CGNL1: variants seen among roughly 807,000 people sequenced by gnomAD.
CGNL1 encodes cingulin-like protein 1.
In CGNL1, 132 loss-of-function variants were observed where a neutral mutation model predicts 141.2. The ratio of observed to expected loss-of-function variants is 0.93; its 90% CI spans 0.81 to 1.08. CGNL1 has a LOEUF of 1.08. CGNL1 is among the 50% of genes least tolerant of loss of function. CGNL1 has a pLI of 0.00. For missense variants in CGNL1, 1,870 were observed against 1,588.6 expected (o/e 1.18, Z -3.01); for synonymous variants, 690 against 622.1 (o/e 1.11, Z -1.63).
chr15:57,469,989 T>G (rs1027342307), intron 8 of CGNL1, among the ~76,000 whole-genome samples: 5 of 152,318 alleles, frequency 3.3e-5, no homozygotes, highest in Admixed American at 3.3e-4. Flanking sequence ...ATCTCATTTC[T>G]GTCTTCTCCA....
At chr15:57,519,140 C>T (rs2031065449) in intron 10 of CGNL1, among the ~76,000 whole-genome samples, 1 of 152,166 alleles carries the variant, frequency 6.6e-6, no homozygotes, top group African/African-American at 2.4e-5. Context: ...CAAGAAAGGC[C>T]TGTACTGCCG....
chr15:57,506,603 C>T (rs2064106659), intron 8 of CGNL1, among the ~76,000 whole-genome samples: 1 of 152,160 alleles, frequency 6.6e-6, no homozygotes, highest in Admixed American at 6.5e-5. Flanking sequence ...TTTTCCCTTC[C>T]CTGGCTGGCT....
Position 57,501,470 on chromosome 15 carries a change from G to T in CGNL1, c.2404-15310G>T, listed in dbSNP as rs550591399. ...AGGCAGAGAGCCCTGTCCTCAGGGG[G>T]TGCAACCAGCAACTTACCTGCGGCA... On this transcript the variant is annotated intron_variant, in intron 8 of 18. Transcript: ENST00000281282. Among the ~76,000 whole-genome samples the T allele has an allele frequency of 9.2e-5, 14 of 152,344 alleles. No individual in the cohort carries two copies. The Middle Eastern group carries it at 0.017, about 185-fold the overall frequency.
intron 1 of CGNL1, among the ~76,000 whole-genome samples, chr15:57,420,998 G>A (rs2062908005): frequency 6.6e-6 from 1 of 152,200 alleles, no homozygotes; most frequent in African/African-American, 2.4e-5. Flanking sequence ...AACTCCCAAG[G>A]TTACGGTATT....
At position 57,442,449 on chromosome 15, in the gene CGNL1, G is replaced by A. The variant is rs373744980; in HGVS notation, c.1774G>A (p.Ala592Thr). The A allele has an allele frequency of 1.2e-6, 2 of 1,612,832 alleles. No homozygotes were observed. Among genetic ancestry groups the A allele is most frequent in the African/African-American group, 2.7e-5 (2 of 74,904 alleles). The change falls in exon 4 of 19, where the codon GCA (alanine) becomes ACA (threonine). Residue 592 changes from alanine (A) to threonine (T), a missense_variant. Physicochemically the swap from Ala to Thr is moderately conservative, Grantham distance 58. Coordinates refer to ENST00000281282, the MANE Select transcript of CGNL1 (RefSeq NM_032866.5). Reference protein sequence around the residue: ...FEKIQTLKSRAAGSAQGNNQA... With the variant: ...FEKIQTLKSRTAGSAQGNNQA... ...GAAAATCCAGACCTTAAAGTCTCGA[G>A]CAGCTGGGAGCGCCCAAGGAAATAA...
chr15:57,438,655 G>C lies in CGNL1; in HGVS notation c.656G>C (p.Cys219Ser), dbSNP rs763130171. Residue 219 changes from cysteine (C) to serine (S), a missense_variant, in exon 2 of 19, where the codon TGC (cysteine) becomes TCC (serine). By Grantham distance (112) the Cys-to-Ser change is moderately radical. Coordinates refer to ENST00000281282, the MANE Select transcript of CGNL1 (RefSeq NM_032866.5). ...AKSGVTAIRL[C>S]SSVVIEDPKK... ...TCTGGTGTGACAGCTATTCGTTTATGCAGCTCCGTGGTCATAGAGGACCCC... is the reference window on the plus strand; with the variant it reads ...TCTGGTGTGACAGCTATTCGTTTATCCAGCTCCGTGGTCATAGAGGACCCC... 15 of 1,614,078 alleles carry C rather than the reference G, an allele frequency of 9.3e-6. No individual in the cohort carries two copies. The highest frequency in any genetic ancestry group is 1.3e-5 in the Non-Finnish European group (15 of 1,180,030).
chr15:57,538,428 C>T (rs2032380335), intron 14 of CGNL1, among the ~76,000 whole-genome samples: 1 of 152,168 alleles, frequency 6.6e-6, no homozygotes, highest in Non-Finnish European at 1.5e-5. Flanking sequence ...ATTTTAATAG[C>T]CATCTTTTAA....
intron 1 of CGNL1, among the ~76,000 whole-genome samples, chr15:57,395,445 C>T (rs540419629): frequency 9.2e-5 from 14 of 152,360 alleles, no homozygotes; most frequent in African/African-American, 3.1e-4. Flanking sequence ...TAGTGATTCA[C>T]CCTTCTTGAA....
At chr15:57,513,296 T>TGTGTGTGTG (rs1567162891) in intron 8 of CGNL1, among the ~76,000 whole-genome samples, 15 of 60,500 alleles carry the variant, frequency 2.5e-4, no homozygotes, top group Admixed American at 1.8e-3. Context: ...GTGTGTGTGT[T>TGTGTGTGTG]TGTGTGATTG....
chr15:57,436,433 G>T (rs1456015477), intron 1 of CGNL1, among the ~76,000 whole-genome samples: 1 of 152,174 alleles, frequency 6.6e-6, no homozygotes, highest in African/African-American at 2.4e-5. Flanking sequence ...TTAATCACAT[G>T]TTAAAGACAG....
At chr15:57,422,289 C>T (rs975585120) in intron 1 of CGNL1, among the ~76,000 whole-genome samples, 1 of 151,304 alleles carries the variant, frequency 6.6e-6, no homozygotes, top group South Asian at 2.1e-4. Context: ...ATGTCTGCTT[C>T]CTGCCACCCT....
chr15:57,457,845 G>A (rs2048815169), intron 7 of CGNL1, among the ~76,000 whole-genome samples: 1 of 152,156 alleles, frequency 6.6e-6, no homozygotes, highest in Non-Finnish European at 1.5e-5. Flanking sequence ...TGAGATTTGG[G>A]TGGGGACGCA....
chr15:57,530,162 A>G (rs16953334), intron 13 of CGNL1, among the ~76,000 whole-genome samples: 5,736 of 152,294 alleles, frequency 0.038, 378 homozygotes, highest in African/African-American at 0.13. Context: ...TCTGTGCAGT[A>G]TGGCTTTTAG....
intron 1 of CGNL1, chr15:57,396,806 C>G (rs895358648): frequency 6.6e-6 from 1 of 152,126 alleles, no homozygotes; most frequent in Non-Finnish European, 1.5e-5. Flanking sequence ...TGGATTTTGA[C>G]TCCATAGCCT....
chr15:57,391,265 A>AC (rs2062539807), intron 1 of CGNL1, among the ~76,000 whole-genome samples: 1 of 152,206 alleles, frequency 6.6e-6, no homozygotes, highest in Non-Finnish European at 1.5e-5. Context: ...TCTGCTTTGG[A>AC]AGAAGCCATG....
Position 57,438,880 on chromosome 15 carries a change from G to A in CGNL1, c.881G>A (p.Arg294Gln), listed in dbSNP as rs781273024. The A allele has an allele frequency of 3.7e-6, 6 of 1,614,040 alleles. No individual in the cohort carries two copies. The Admixed American group carries it at 6.7e-5, about 18-fold the overall frequency. Reference protein sequence around the residue: ...AGPVLDGARSRRSSSSSTTPT... With the variant: ...AGPVLDGARSQRSSSSSTTPT... ...CCCGTCCTGGATGGAGCTCGGTCCC[G>A]GAGGTCCTCCTCGTCATCCACAACT... Residue 294 changes from arginine (R) to glutamine (Q), a missense_variant, in exon 2 of 19, where the codon CGG becomes CAG. Transcript: ENST00000281282.
Position 57,443,789 on chromosome 15 carries a change from G to A in CGNL1, c.1803+1311G>A, listed in dbSNP as rs114547588. Among the ~76,000 whole-genome samples, 849 of 152,272 alleles carry A rather than the reference G, an allele frequency of 5.6e-3. 8 individuals are homozygous for A. Among genetic ancestry groups the A allele is most frequent in the African/African-American group, 0.019 (789 of 41,540 alleles). The stretch of plus-strand genomic sequence containing the variant: ...ACTCTGAAGTCCAAATTATCAACAC[G>A]ATTCTTGTTTTTTTGTATACCTGCA... On this transcript the variant is annotated intron_variant, in intron 4 of 18. Transcript: ENST00000281282.
intron 1 of CGNL1, among the ~76,000 whole-genome samples, chr15:57,428,228 G>A (rs943919605): frequency 6.6e-6 from 1 of 152,198 alleles, no homozygotes; most frequent in Non-Finnish European, 1.5e-5. Flanking sequence ...GTGACCATGT[G>A]AGCATAATTA....
chr15:57,524,825 G>C (rs2031512434), intron 12 of CGNL1, 74 bp downstream of exon 12: 14 of 1,436,804 alleles, frequency 9.7e-6, no homozygotes, highest in African/African-American at 1.4e-5. Flanking sequence ...TCTTCTGTGA[G>C]GGACTTGGGG....
Sources: gnomAD v4.1 joint callset for allele counts (sites outside exome capture counted in the v4.1 genomes callset) on GRCh38, gnomAD v4.1.1 for gene constraint, MANE v1.5 for transcripts, NCBI Gene and HGNC (gene_info 2026-07-23, HGNC 2026-07-21) for gene names.